Variants in SAG observed in about 807,000 individuals in gnomAD.
SAG encodes the protein S-arrestin.
In SAG, 45 loss-of-function variants were observed where a neutral mutation model predicts 55.0. The observed-to-expected ratio is 0.82, with a 90% CI of 0.64 to 1.05. SAG has a LOEUF of 1.05. Ranked by LOEUF, SAG falls within the 50% of genes least tolerant of loss-of-function variation. The probability of loss-of-function intolerance (pLI) is 0.00; values close to 1 mark genes in which losing one functional copy is unlikely to be tolerated. For missense variants in SAG, 455 were observed against 512.1 expected (o/e 0.89, Z 1.08); for synonymous variants, 189 against 197.4 (o/e 0.96, Z 0.36).
rs151281271 is a variant in SAG at position 233,318,759 on chromosome 2, G to T, written c.145G>T (p.Val49Leu). 45 of 1,613,672 alleles carry T rather than the reference G, an allele frequency of 2.8e-5. No homozygotes were observed. The highest frequency in any genetic ancestry group is 1.7e-5 in the Admixed American group (1 of 59,996). ...VSQVQPVDGVVLVDPDLVKGK... is the reference protein window; with the variant it reads ...VSQVQPVDGVLLVDPDLVKGK... ...TCCCTCTTTTGCCTTAGATGGTGTCGTGTTGGTTGATCCTGATCTTGTGAA... is the reference window on the plus strand; with the variant it reads ...TCCCTCTTTTGCCTTAGATGGTGTCTTGTTGGTTGATCCTGATCTTGTGAA... The change falls in exon 4 of 16, where the codon GTG becomes TTG. Residue 49 changes from valine (V) to leucine (L), a missense_variant. Physicochemically the swap from Val to Leu is conservative, Grantham distance 32. Coordinates refer to ENST00000409110, the MANE Select transcript of SAG (RefSeq NM_000541.5).
intron 13 of SAG, among the ~76,000 whole-genome samples, chr2:233,341,813 G>A (rs1292943942): frequency 5.3e-5 from 8 of 152,114 alleles, no homozygotes; most frequent in East Asian, 1.9e-4. Context: ...TAATGCCACC[G>A]AATTGTGCAC....
intron 7 of SAG, 34 bp downstream of exon 7, chr2:233,327,231 T>C: frequency 6.4e-7 from 1 of 1,559,836 alleles, no homozygotes; most frequent in Admixed American, 1.7e-5. Flanking sequence ...GTGAGGGGTC[T>C]GCGGTGGGGG....
intron 2 of SAG, among the ~76,000 whole-genome samples, chr2:233,309,978 A>G (rs573941460): frequency 1.3e-5 from 2 of 152,346 alleles, no homozygotes; most frequent in African/African-American, 4.8e-5. Context: ...ACAGTGATCA[A>G]TGTGACTCCT....
At chr2:233,335,455 A>G (rs1439959581) in intron 11 of SAG, among the ~76,000 whole-genome samples, 2 of 152,238 alleles carry the variant, frequency 1.3e-5, no homozygotes, top group African/African-American at 2.4e-5. Context: ...GAGACAATCC[A>G]TGTGAAGCGT....
chr2:233,308,572 A>G (rs149401356), intron 1 of SAG, among the ~76,000 whole-genome samples: 14 of 152,094 alleles, frequency 9.2e-5, no homozygotes, highest in African/African-American at 3.1e-4. Context: ...GCCAAATAGA[A>G]CTTTTGGGAT....
In SAG at chr2:233,318,257, C is replaced by T. The variant is rs139453196; in HGVS notation, c.137-494C>T. On this transcript the variant is annotated intron_variant, in intron 3 of 15. Coordinates refer to ENST00000409110, the MANE Select transcript of SAG (RefSeq NM_000541.5). ...ATGGCTCACTGCAGCCTTGACTTCC[C>T]GGGCTCAAGGGATCCTCCTGCCTCA... Among the ~76,000 whole-genome samples the T allele has an allele frequency of 8.6e-3, 1,312 of 152,268 alleles. 28 individuals carry two copies. The highest frequency in any genetic ancestry group is 9.1e-3 in the Admixed American group (139 of 15,294).
chr2:233,325,139 G>T (rs1266203732), intron 6 of SAG, among the ~76,000 whole-genome samples: 1 of 150,814 alleles, frequency 6.6e-6, no homozygotes, highest in African/African-American at 2.4e-5. Flanking sequence ...GGGAGGCGGA[G>T]ATTGCAGTGA....
chr2:233,313,866 C>A (rs751127847), intron 2 of SAG, among the ~76,000 whole-genome samples: 5 of 151,154 alleles, frequency 3.3e-5, no homozygotes, highest in South Asian at 4.2e-4. Flanking sequence ...CTGTACCTGG[C>A]CAGAGGAGAG....
At chr2:233,323,700 T>G (rs1236997856) in intron 6 of SAG, among the ~76,000 whole-genome samples, 4 of 151,660 alleles carry the variant, frequency 2.6e-5, no homozygotes, top group African/African-American at 9.7e-5. Flanking sequence ...TCATGGAAAA[T>G]TTCAAACGTA....
In SAG at chr2:233,342,277, C is replaced by A; in HGVS notation, c.1053C>A (p.Val351=). 6.2e-7 allele frequency: 1 copy of A among 1,606,546 alleles called. No homozygotes were observed. Among genetic ancestry groups the A allele is most frequent in the South Asian group, 1.1e-5 (1 of 89,608 alleles). ...CTTCATTCTTTTTTTCTAGTGAAGT[C>A]GCCACTGAGGTCCCATTCCGCCTCA... The part of the protein sequence containing the change: ...GFLGELTSSE[V]ATEVPFRLMH... The change falls in exon 14 of 16, where the codon GTC becomes GTA. Residue 351 remains valine, a synonymous_variant. Transcript: ENST00000409110.
intron 10 of SAG, chr2:233,333,121 T>C (rs1328794596): frequency 6.6e-6 from 1 of 152,240 alleles, no homozygotes; most frequent in African/African-American, 2.4e-5. Flanking sequence ...AAAAGGCAAC[T>C]TTAGGAGAAA....
At chr2:233,335,551 A>C (rs777053654) in intron 11 of SAG, among the ~76,000 whole-genome samples, 12 of 151,348 alleles carry the variant, frequency 7.9e-5, no homozygotes, top group Non-Finnish European at 1.6e-4. Flanking sequence ...CTAAGCATGT[A>C]AACTGAGTAA....
intron 12 of SAG, among the ~76,000 whole-genome samples, chr2:233,339,481 C>T (rs1276606614): frequency 6.6e-6 from 1 of 151,142 alleles, no homozygotes; most frequent in Admixed American, 6.6e-5. Context: ...AAAGAGTTTC[C>T]CAAATTTCTA....
In SAG at chr2:233,320,332, A is replaced by AT. The variant is rs1191155663; in HGVS notation, c.182-298_182-297insT. Among the ~76,000 whole-genome samples, 8 of 152,300 alleles carry AT rather than the reference A, an allele frequency of 5.3e-5. No individual in the cohort carries two copies. The East Asian group carries it at 1.5e-3, about 29-fold the overall frequency. Reference sequence around the variant, plus strand: ...CTGAGGCCACAGAGCTAGGGAATGAAGGGGGCGGGCAGGATGGAGGGGACT... The same window carrying AT: ...CTGAGGCCACAGAGCTAGGGAATGAATGGGGGCGGGCAGGATGGAGGGGACT... On this transcript the variant is annotated intron_variant, in intron 4 of 15. Coordinates refer to ENST00000409110, the MANE Select transcript of SAG (RefSeq NM_000541.5).
chr2:233,329,845 G>T (rs1700692698), intron 9 of SAG, among the ~76,000 whole-genome samples: 1 of 152,176 alleles, frequency 6.6e-6, no homozygotes, highest in Admixed American at 6.5e-5. Flanking sequence ...TTCCTGGAGG[G>T]CCCCACAGTG....
At position 233,316,110 on chromosome 2, in the gene SAG, C is replaced by T; in HGVS notation, c.111C>T (p.Asp37=). ...TIYLGNRDYI[D]HVSQVQPVDG... is the part of the protein sequence containing the mutation. ...ACCTGGGGAACAGAGACTACATAGA[C>T]CATGTCAGCCAAGTCCAGCCTGTGG... The change falls in exon 3 of 16, where the codon GAC becomes GAT. Residue 37 remains aspartate (D), a synonymous_variant. Coordinates refer to ENST00000409110, the MANE Select transcript of SAG (RefSeq NM_000541.5). The T allele has an allele frequency of 2.5e-6, 4 of 1,597,974 alleles. No homozygotes were observed. The highest frequency in any genetic ancestry group is 3.4e-6 in the Non-Finnish European group (4 of 1,170,240).
chr2:233,312,196 A>G (rs1317535874), intron 2 of SAG, among the ~76,000 whole-genome samples: 2 of 152,112 alleles, frequency 1.3e-5, no homozygotes, highest in Non-Finnish European at 2.9e-5. Context: ...TCGACCCTAT[A>G]TCCTTTCTAG....
chr2:233,330,337 A>G (rs1700707985), intron 9 of SAG, among the ~76,000 whole-genome samples: 1 of 152,164 alleles, frequency 6.6e-6, no homozygotes, highest in Non-Finnish European at 1.5e-5. Flanking sequence ...TTCCAGTCCT[A>G]AAATGGGCTC....
chr2:233,320,645 C>T lies in SAG; in HGVS notation c.197C>T (p.Thr66Ile), dbSNP rs1485741046. The T allele has an allele frequency of 1.3e-6, 2 of 1,599,496 alleles. No homozygotes were observed. Among genetic ancestry groups the T allele is most frequent in the Admixed American group, 3.5e-5 (2 of 57,506 alleles). Reference sequence around the variant, plus strand: ...TCCCTTGCAGTGTATGTCACTCTGACCTGCGCCTTCCGCTATGGCCAAGAG... The same window carrying T: ...TCCCTTGCAGTGTATGTCACTCTGATCTGCGCCTTCCGCTATGGCCAAGAG... ...VKGKKVYVTL[T>I]CAFRYGQEDI... The change falls in exon 5 of 16, where the codon ACC (threonine) becomes ATC (isoleucine). Residue 66 changes from threonine (T) to isoleucine (I), a missense_variant. Transcript: ENST00000409110.
Sources: gnomAD v4.1 joint callset for allele counts (sites outside exome capture counted in the v4.1 genomes callset) on GRCh38, gnomAD v4.1.1 for gene constraint, MANE v1.5 for transcripts, NCBI Gene and HGNC (gene_info 2026-07-23, HGNC 2026-07-21) for gene names.